Variants in TENT5D observed in about 807,000 individuals in gnomAD.
The protein encoded by TENT5D is terminal nucleotidyltransferase 5D.
For missense variants in TENT5D, 191 were observed against 287.0 expected, an observed-to-expected ratio of 0.67 and a Z score of 2.42; for synonymous variants, 103 against 100.6, an observed-to-expected ratio of 1.02 and a Z score of -0.15.
In TENT5D at chrX:80,372,045, G is replaced by T. The variant is rs1362149852; in HGVS notation, c.-142+29481G>T. ...CCAAATGTTGATCAAAATCCTGAAA[G>T]AGCAAATTCCCTGAAGTTTAAATTA... On this transcript the variant is annotated intron_variant, in intron 3 of 4. Transcript: ENST00000538312. 2.7e-5 allele frequency among the ~76,000 whole-genome samples: 3 copies of T among 111,468 alleles called. No homozygotes were observed. The East Asian group carries it at 8.5e-4, about 31-fold the overall frequency.
intron 3 of TENT5D, among the ~76,000 whole-genome samples, chrX:80,392,495 C>CT (rs72029455): frequency 0.019 from 459 of 24,272 alleles, 144 homozygotes; most frequent in African/African-American, 0.05. Context: ...TCATTTTATT[C>CT]TTTTTTTTTT....
At chrX:80,380,128 A>G (rs1166058684) in intron 3 of TENT5D, among the ~76,000 whole-genome samples, 1 of 108,736 alleles carries the variant, frequency 9.2e-6, no homozygotes, top group South Asian at 4.1e-4. Context: ...ACAGTGCTTT[A>G]AATGTGTCCC....
At chrX:80,373,274 T>C (rs1052407000) in intron 3 of TENT5D, among the ~76,000 whole-genome samples, 2 of 111,463 alleles carry the variant, frequency 1.8e-5, no homozygotes, top group Non-Finnish European at 3.8e-5. Context: ...TTCTGGACTT[T>C]ATAGTTTAGG....
At chrX:80,437,563 TA>T (rs1932205418) in intron 1 of TENT5D, among the ~76,000 whole-genome samples, 1 of 111,723 alleles carries the variant, frequency 9.0e-6, no homozygotes, top group South Asian at 3.7e-4. Flanking sequence ...TTGATAAGCA[TA>T]ATCTTTTCTT....
intron 3 of TENT5D, among the ~76,000 whole-genome samples, chrX:80,396,158 G>T (rs1396742727): frequency 9.0e-6 from 1 of 111,226 alleles, no homozygotes; most frequent in Non-Finnish European, 1.9e-5. Flanking sequence ...GAACATGGGG[G>T]TGCAGATGTC....
intron 3 of TENT5D, among the ~76,000 whole-genome samples, chrX:80,357,673 T>G (rs1028430163): frequency 2.4e-4 from 27 of 111,489 alleles, no homozygotes; most frequent in Admixed American, 1.4e-3. Flanking sequence ...CTTTGTCAGA[T>G]GAGTAGATTG....
At chrX:80,372,941 A>G (rs999475710) in intron 3 of TENT5D, among the ~76,000 whole-genome samples, 10 of 110,076 alleles carry the variant, frequency 9.1e-5, no homozygotes, top group Non-Finnish European at 1.9e-4. Flanking sequence ...CATATTACCA[A>G]AGTTACAAAG....
chrX:80,351,629 A>G (rs747460345), intron 3 of TENT5D, among the ~76,000 whole-genome samples: 137 of 109,811 alleles, frequency 1.2e-3, no homozygotes, highest in Admixed American at 3.4e-3. Flanking sequence ...TTATTACCCA[A>G]CTTCTGAAGC....
chrX:80,397,273 G>A (rs1310132992), intron 3 of TENT5D, among the ~76,000 whole-genome samples: 2 of 104,898 alleles, frequency 1.9e-5, no homozygotes, highest in South Asian at 4.5e-4. Flanking sequence ...GGGCAGAGGC[G>A]CTCCTCACAT....
At chrX:80,384,702 A>C (rs1035008646) in intron 3 of TENT5D, among the ~76,000 whole-genome samples, 16 of 104,719 alleles carry the variant, frequency 1.5e-4, no homozygotes, top group Admixed American at 5.3e-4. Flanking sequence ...AAATCTCCTG[A>C]AGCTGATAAG....
chrX:80,443,083 C>T (rs780554117), exon 3 of TENT5D: 2 of 1,207,189 alleles, frequency 1.7e-6, no homozygotes, highest in Non-Finnish European at 1.1e-6. Context: ...TGTTTTGGAT[C>T]CCATGTTAGA....
chrX:80,439,043 G>C (rs1441355994), intron 2 of TENT5D, among the ~76,000 whole-genome samples: 1 of 111,370 alleles, frequency 9.0e-6, no homozygotes, highest in East Asian at 2.8e-4. Flanking sequence ...GGTTAGGCTA[G>C]ATGGGAAAAA....
chrX:80,414,345 T>C (rs1292586412), intron 3 of TENT5D, among the ~76,000 whole-genome samples: 1 of 111,613 alleles, frequency 9.0e-6, no homozygotes, highest in Non-Finnish European at 1.9e-5. Flanking sequence ...GATAGATTTG[T>C]CATAGATCAG....
chrX:80,386,261 A>G (rs1931002837), intron 3 of TENT5D, among the ~76,000 whole-genome samples: 1 of 112,054 alleles, frequency 8.9e-6, no homozygotes. Flanking sequence ...GGATGAGTTC[A>G]TGTCCTTTGT....
intron 2 of TENT5D, among the ~76,000 whole-genome samples, chrX:80,342,057 T>G (rs1338883542): frequency 9.0e-6 from 1 of 111,228 alleles, no homozygotes; most frequent in Non-Finnish European, 1.9e-5. Flanking sequence ...TATGAAGATA[T>G]ATAGAGAAAA....
At chrX:80,407,966 T>C (rs1207487044) in intron 3 of TENT5D, among the ~76,000 whole-genome samples, 1 of 111,144 alleles carries the variant, frequency 9.0e-6, no homozygotes, top group Non-Finnish European at 1.9e-5. Context: ...ACTGCTCAAC[T>C]ACATGGAAAC....
At chrX:80,349,498 G>A in intron 3 of TENT5D, among the ~76,000 whole-genome samples, 1 of 110,891 alleles carries the variant, frequency 9.0e-6, no homozygotes, top group Admixed American at 9.6e-5. Flanking sequence ...TGGGATCAAT[G>A]GTGTTTCCCC....
chrX:80,366,126 A>G (rs1930505679), intron 3 of TENT5D, among the ~76,000 whole-genome samples: 1 of 110,144 alleles, frequency 9.1e-6, no homozygotes, highest in Non-Finnish European at 1.9e-5. Flanking sequence ...AAAAGTTGAC[A>G]GTATTGACAG....
intron 3 of TENT5D, among the ~76,000 whole-genome samples, chrX:80,406,279 G>A (rs1472774696): frequency 9.0e-6 from 1 of 111,311 alleles, no homozygotes; most frequent in Non-Finnish European, 1.9e-5. Flanking sequence ...AGAGAAGAAG[G>A]CTTCAGACAA....
Sources: gnomAD v4.1 joint callset for allele counts (sites outside exome capture counted in the v4.1 genomes callset) on GRCh38, gnomAD v4.1.1 for gene constraint, MANE v1.5 for transcripts, NCBI Gene and HGNC (gene_info 2026-07-23, HGNC 2026-07-21) for gene names.